The following NPSR1 variants were observed in gnomAD, a reference collection of about 807,000 sequenced individuals.
The protein encoded by NPSR1 is neuropeptide S receptor 1, also known as neuropeptide S receptor.
Under a neutral mutation model 46.9 loss-of-function variants are expected in NPSR1, and 48 were observed. The observed-to-expected ratio is 1.02, with a 90% CI of 0.81 to 1.30. The LOEUF is 1.30. Ranked by LOEUF, NPSR1 falls within the 50% of genes most tolerant of loss-of-function variation. The probability of loss-of-function intolerance (pLI) is 0.00; values close to 1 mark genes in which losing one functional copy is unlikely to be tolerated. For synonymous variants in NPSR1, 176 were observed against 168.1 expected, an observed-to-expected ratio of 1.05 and a Z score of -0.36; for missense variants, 450 against 449.5, an observed-to-expected ratio of 1.00 and a Z score of -0.01.
chr7:34,678,970 A>G (rs1202826994), intron 1 of NPSR1, among the ~76,000 whole-genome samples: 2 of 152,248 alleles, frequency 1.3e-5, no homozygotes, highest in African/African-American at 4.8e-5. Context: ...GATTATTTTA[A>G]CAGAACCTGG....
intron 8 of NPSR1, among the ~76,000 whole-genome samples, chr7:34,862,330 T>A (rs768583955): frequency 6.6e-6 from 1 of 151,798 alleles, no homozygotes; most frequent in Admixed American, 6.5e-5. Flanking sequence ...CTCAGTTGCA[T>A]GGAGCTCACC....
intron 1 of NPSR1, among the ~76,000 whole-genome samples, chr7:34,658,866 A>G (rs1446328550): frequency 1.3e-5 from 2 of 152,148 alleles, no homozygotes; most frequent in East Asian, 1.9e-4. Flanking sequence ...AGCACTTTTA[A>G]TTAATCCTAT....
chr7:34,756,141 C>T (rs1785826734), intron 2 of NPSR1, among the ~76,000 whole-genome samples: 1 of 152,134 alleles, frequency 6.6e-6, no homozygotes, highest in Non-Finnish European at 1.5e-5. Flanking sequence ...CCTGAAACTG[C>T]CAGCTCAGTC....
At chr7:34,713,104 G>C (rs1783383092) in intron 2 of NPSR1, among the ~76,000 whole-genome samples, 1 of 152,212 alleles carries the variant, frequency 6.6e-6, no homozygotes, top group South Asian at 2.1e-4. Flanking sequence ...TGATTGTTAA[G>C]AAGGAACACA....
intron 4 of NPSR1, among the ~76,000 whole-genome samples, chr7:34,827,158 A>G (rs1789894632): frequency 6.6e-6 from 1 of 152,222 alleles, no homozygotes; most frequent in South Asian, 2.1e-4. Context: ...TCAGGAAAGA[A>G]AAAGCACCAA....
intron 2 of NPSR1, among the ~76,000 whole-genome samples, chr7:34,764,706 G>A (rs920822605): frequency 1.3e-5 from 2 of 152,124 alleles, no homozygotes; most frequent in African/African-American, 4.8e-5. Flanking sequence ...TATCCCTTGG[G>A]GACGGAGGCC....
At chr7:34,803,295 T>C (rs1005855277) in intron 3 of NPSR1, among the ~76,000 whole-genome samples, 5 of 151,948 alleles carry the variant, frequency 3.3e-5, no homozygotes, top group African/African-American at 1.2e-4. Flanking sequence ...CTATTCACAA[T>C]AGCAAAGACT....
At chr7:34,708,049 C>T (rs1794197240) in intron 2 of NPSR1, among the ~76,000 whole-genome samples, 1 of 151,992 alleles carries the variant, frequency 6.6e-6, no homozygotes, top group African/African-American at 2.4e-5. Context: ...TAGGGCCCAC[C>T]CAGAATTACC....
intron 3 of NPSR1, among the ~76,000 whole-genome samples, chr7:34,803,128 A>G (rs570983747): frequency 1.3e-5 from 2 of 151,298 alleles, no homozygotes; most frequent in East Asian, 3.9e-4. Context: ...GGGACTGTAA[A>G]CTAGTTCAAC....
chr7:34,840,500 TTCC>T (rs1167810548), intron 6 of NPSR1, among the ~76,000 whole-genome samples: 1 of 152,122 alleles, frequency 6.6e-6, no homozygotes, highest in Admixed American at 6.5e-5. Context: ...ATTCCCTTGC[TTCC>T]TGGCAGAAGA....
intron 2 of NPSR1, among the ~76,000 whole-genome samples, chr7:34,710,163 C>A (rs1783202145): frequency 6.6e-6 from 1 of 152,188 alleles, no homozygotes; most frequent in African/African-American, 2.4e-5. Flanking sequence ...TCTCAAATTG[C>A]TGTATCCAAA....
At chr7:34,741,407 A>G (rs1784934905) in intron 2 of NPSR1, among the ~76,000 whole-genome samples, 1 of 152,066 alleles carries the variant, frequency 6.6e-6, no homozygotes, top group African/African-American at 2.4e-5. Flanking sequence ...TGCTTTTGAA[A>G]ATTGTTATTC....
intron 2 of NPSR1, among the ~76,000 whole-genome samples, chr7:34,760,695 G>C (rs1050201168): frequency 2.0e-5 from 3 of 152,184 alleles, no homozygotes; most frequent in Non-Finnish European, 2.9e-5. Flanking sequence ...GTGCTTCCTA[G>C]TTAGTGGCTA....
chr7:34,779,631 T>A, intron 3 of NPSR1: 1 of 1,198,564 alleles, frequency 8.3e-7, no homozygotes, highest in Non-Finnish European at 1.1e-6. Flanking sequence ...CCTTGAAAGT[T>A]TGGTATGTCT....
chr7:34,669,341 T>G (rs1234006861), intron 1 of NPSR1, among the ~76,000 whole-genome samples: 1 of 152,028 alleles, frequency 6.6e-6, no homozygotes, highest in Non-Finnish European at 1.5e-5. Context: ...AGCGGGTGGA[T>G]CATTTGAGGT....
intron 8 of NPSR1, among the ~76,000 whole-genome samples, chr7:34,867,248 G>T (rs966227370): frequency 6.6e-6 from 1 of 151,876 alleles, no homozygotes; most frequent in South Asian, 2.1e-4. Context: ...TGGGAGGAGG[G>T]ATGGTGAGAA....
chr7:34,847,450 T>C (rs1790776365), intron 7 of NPSR1, among the ~76,000 whole-genome samples: 1 of 152,018 alleles, frequency 6.6e-6, no homozygotes, highest in African/African-American at 2.4e-5. Context: ...CTCAGGTGAT[T>C]ACTGAGGCTG....
intron 6 of NPSR1, among the ~76,000 whole-genome samples, chr7:34,841,605 C>G (rs1033106124): frequency 8.5e-5 from 13 of 152,200 alleles, no homozygotes; most frequent in Admixed American, 5.2e-4. Flanking sequence ...GAATTACCAG[C>G]ATTTCGTAGC....
At chr7:34,706,257 T>A (rs974114183) in intron 2 of NPSR1, among the ~76,000 whole-genome samples, 1 of 152,146 alleles carries the variant, frequency 6.6e-6, no homozygotes, top group African/African-American at 2.4e-5. Context: ...TGAGCTGCCA[T>A]ATGCTCTTTT....
Sources: allele counts gnomAD v4.1 joint callset (sites outside exome capture counted in the v4.1 genomes callset), GRCh38; gene constraint gnomAD v4.1.1; transcripts MANE v1.5; gene names NCBI Gene and HGNC (gene_info 2026-07-23, HGNC 2026-07-21).